Variants in ELAPOR2 observed in about 807,000 individuals in gnomAD.
ELAPOR2 encodes endosome/lysosome-associated apoptosis and autophagy regulator family member 2.
ELAPOR2 carries 89 observed loss-of-function variants against 120.7 expected under a neutral mutation model. The ratio of observed to expected loss-of-function variants is 0.74; its 90% confidence interval spans 0.62 to 0.88. ELAPOR2 has a LOEUF of 0.88. Ranked by LOEUF, ELAPOR2 falls within the 40% of genes least tolerant of loss-of-function variation. The pLI is 0.00. For missense variants in ELAPOR2, 1,134 were observed against 1,251.6 expected (o/e 0.91, Z 1.42); for synonymous variants, 444 against 444.9 (o/e 1.00, Z 0.03).
intron 1 of ELAPOR2, among the ~76,000 whole-genome samples, chr7:86,988,219 G>C (rs1375421641): frequency 1.3e-5 from 2 of 152,128 alleles, no homozygotes; most frequent in African/African-American, 2.4e-5. Flanking sequence ...TGGGGGGAGG[G>C]ATAGCACTGG....
At chr7:86,912,630 T>C (rs1444452129) in intron 14 of ELAPOR2, among the ~76,000 whole-genome samples, 1 of 152,230 alleles carries the variant, frequency 6.6e-6, no homozygotes, top group Non-Finnish European at 1.5e-5. Context: ...ATGACTGCTA[T>C]AGCCAGCCTA....
intron 4 of ELAPOR2, 96 bp downstream of exon 4, chr7:86,944,803 A>T: frequency 2.0e-6 from 2 of 1,014,860 alleles, no homozygotes; most frequent in Non-Finnish European, 2.8e-6. Context: ...CAAAAAAAAA[A>T]CTGAGGAGGA....
In ELAPOR2 at chr7:86,891,845, T is replaced by A; in HGVS notation, c.2909A>T (p.Lys970Ile). ...YSKLVMTTNS[K>I]ECELPAADSC... The stretch of plus-strand genomic sequence containing the variant: ...GTCTGCAGCCGGGAGTTCACACTCT[T>A]TTGAGTTAGTCGTCATTACTAACTT... Residue 970 changes from lysine to isoleucine, a missense_variant, in exon 21 of 22, where the codon AAA becomes ATA. Physicochemically the swap from Lys to Ile is moderately radical, Grantham distance 102. Around this residue, in one of 3 missense-constraint regions of ELAPOR2, gnomAD observed 831 missense variants for 867.6 expected, o/e 0.96. Transcript: ENST00000450689. The A allele has an allele frequency of 6.2e-7, 1 of 1,611,068 alleles. No homozygotes were observed. The highest frequency in any genetic ancestry group is 8.5e-7 in the Non-Finnish European group (1 of 1,178,270).
chr7:86,970,933 T>C (rs1330935373), intron 1 of ELAPOR2, among the ~76,000 whole-genome samples: 2 of 152,214 alleles, frequency 1.3e-5, no homozygotes, highest in African/African-American at 4.8e-5. Flanking sequence ...TATTTATGTT[T>C]ATTGAGTACC....
chr7:86,897,017 T>C (rs1454751929), intron 19 of ELAPOR2, among the ~76,000 whole-genome samples: 1 of 152,018 alleles, frequency 6.6e-6, no homozygotes, highest in Non-Finnish European at 1.5e-5. Context: ...AATAAATATG[T>C]TTTTAAAAAT....
At chr7:86,988,781 A>G (rs1240558094) in intron 1 of ELAPOR2, among the ~76,000 whole-genome samples, 1 of 152,254 alleles carries the variant, frequency 6.6e-6, no homozygotes, top group Non-Finnish European at 1.5e-5. Flanking sequence ...AAGAGAAAAG[A>G]CAATGCCATC....
At chr7:86,912,465 TC>T (rs773796618) in intron 14 of ELAPOR2, among the ~76,000 whole-genome samples, 1 of 152,214 alleles carries the variant, frequency 6.6e-6, no homozygotes, top group Non-Finnish European at 1.5e-5. Flanking sequence ...AGTAAAGTTA[TC>T]CTCAAGTTTG....
intron 1 of ELAPOR2, among the ~76,000 whole-genome samples, chr7:87,006,996 C>T (rs1324163818): frequency 6.6e-6 from 1 of 152,112 alleles, no homozygotes; most frequent in African/African-American, 2.4e-5. Context: ...ATATAAAGTT[C>T]TAAAACCAGC....
chr7:86,907,740 C>T lies in ELAPOR2; in HGVS notation c.2488G>A (p.Gly830Ser), dbSNP rs372948251. The change falls in exon 18 of 22, where the codon GGC becomes AGC. Residue 830 changes from glycine (G) to serine (S), a missense_variant. Coordinates refer to ENST00000450689, the MANE Select transcript of ELAPOR2 (RefSeq NM_001142749.3). The part of the protein sequence containing the change: ...SSTATTSCIN[G>S]RSTAVKMRCN... ...CTCATTTTCACAGCAGTTGATCGGC[C>T]ATTAATACAAGATGTTGTTGCTGTA... 5.7e-6 allele frequency: 9 copies of T among 1,572,890 alleles called. No homozygotes were observed. The highest frequency in any genetic ancestry group is 7.7e-6 in the Non-Finnish European group (9 of 1,166,640).
intron 1 of ELAPOR2, among the ~76,000 whole-genome samples, chr7:86,973,206 G>A (rs1216416611): frequency 6.6e-6 from 1 of 152,082 alleles, no homozygotes; most frequent in Non-Finnish European, 1.5e-5. Flanking sequence ...ACTTACCATT[G>A]GCCTGAGGAT....
rs1789090333 is a variant in ELAPOR2 at position 86,907,714 on chromosome 7, C to T, written c.2514G>A (p.Arg838=). The change falls in exon 18 of 22, where the codon AGG becomes AGA. Residue 838 remains arginine, a synonymous_variant. Coordinates refer to ENST00000450689, the MANE Select transcript of ELAPOR2 (RefSeq NM_001142749.3). ...CTGCTCCAGATTTAGTAGGATTACA[C>T]CTCATTTTCACAGCAGTTGATCGGC... ...INGRSTAVKM[R]CNPTKSGAGV... The T allele has an allele frequency of 6.3e-7, 1 of 1,582,458 alleles. No individual in the cohort carries two copies. The highest frequency in any genetic ancestry group is 2.3e-5 in the East Asian group (1 of 42,814).
chr7:87,051,389 T>C (rs924659496), intron 1 of ELAPOR2, among the ~76,000 whole-genome samples: 1 of 152,218 alleles, frequency 6.6e-6, no homozygotes, highest in Admixed American at 6.5e-5. Flanking sequence ...TAAAATATTT[T>C]TGTAAGTAAA....
At chr7:86,916,448 A>C (rs1789573595) in intron 12 of ELAPOR2, among the ~76,000 whole-genome samples, 1 of 152,234 alleles carries the variant, frequency 6.6e-6, no homozygotes, top group African/African-American at 2.4e-5. Flanking sequence ...TAATACCAAC[A>C]AATTCAGGTG....
intron 2 of ELAPOR2, among the ~76,000 whole-genome samples, chr7:86,952,723 G>A (rs1791314702): frequency 6.6e-6 from 1 of 152,060 alleles, no homozygotes; most frequent in Admixed American, 6.6e-5. Context: ...ATGAGTTGTG[G>A]GAATAAAGGA....
At chr7:87,010,909 T>A (rs1319926634) in intron 1 of ELAPOR2, among the ~76,000 whole-genome samples, 1 of 152,028 alleles carries the variant, frequency 6.6e-6, no homozygotes, top group East Asian at 1.9e-4. Context: ...ATGTTACTTT[T>A]AAAATAAAGG....
At chr7:87,030,973 TGA>T (rs1794405328) in intron 1 of ELAPOR2, among the ~76,000 whole-genome samples, 1 of 152,126 alleles carries the variant, frequency 6.6e-6, no homozygotes, top group Admixed American at 6.5e-5. Flanking sequence ...CAAGAGAGAA[TGA>T]GAGTCAAGTG....
intron 15 of ELAPOR2, 178 bp downstream of exon 15, chr7:86,911,894 C>T: frequency 1.6e-6 from 1 of 644,000 alleles, no homozygotes; most frequent in South Asian, 2.0e-5. Flanking sequence ...ACAAGGTTGC[C>T]CCTGGTGGAG....
intron 2 of ELAPOR2, among the ~76,000 whole-genome samples, chr7:86,962,767 G>A (rs868400321): frequency 1.5e-4 from 23 of 152,300 alleles, no homozygotes; most frequent in African/African-American, 4.6e-4. Flanking sequence ...TAAGCACAAT[G>A]TTTGGCACAT....
intron 2 of ELAPOR2, among the ~76,000 whole-genome samples, chr7:86,952,886 G>A (rs1791320967): frequency 6.6e-6 from 1 of 152,102 alleles, no homozygotes; most frequent in African/African-American, 2.4e-5. Flanking sequence ...CTTGAGGTCA[G>A]GAGTTTGAGA....
Sources: allele counts gnomAD v4.1 joint callset (sites outside exome capture counted in the v4.1 genomes callset), GRCh38; gene constraint gnomAD v4.1.1; regional missense constraint gnomAD v4.1.1; transcripts MANE v1.5; gene names NCBI Gene and HGNC (gene_info 2026-07-23, HGNC 2026-07-21).